GLYATL2: variants seen among roughly 807,000 people sequenced by gnomAD.
GLYATL2 encodes glycine-N-acyltransferase like 2, also known as glycine N-acyltransferase-like protein 2.
GLYATL2 carries 25 observed loss-of-function variants against 21.4 expected under a neutral mutation model. That is an observed-to-expected ratio of 1.17 (90% confidence interval 0.85 to 1.63). The LOEUF is 1.63. Among genes scored for constraint, GLYATL2 ranks in the 40% most tolerant of loss-of-function variants. The probability of loss-of-function intolerance (pLI) is 0.00; values close to 1 mark genes in which losing one functional copy is unlikely to be tolerated. For missense variants in GLYATL2, 361 were observed against 343.3 expected (o/e 1.05, Z -0.41); for synonymous variants, 114 against 118.2 (o/e 0.96, Z 0.23).
At chr11:58,896,370 C>T (rs945374926) in intron 1 of GLYATL2, among the ~76,000 whole-genome samples, 3 of 152,130 alleles carry the variant, frequency 2.0e-5, no homozygotes, top group African/African-American at 7.2e-5. Context: ...GCCCCAAACC[C>T]GGAAACCTGC....
chr11:58,845,121 C>G (rs912286844), upstream of GLYATL2, among the ~76,000 whole-genome samples: 2 of 152,078 alleles, frequency 1.3e-5, no homozygotes, highest in African/African-American at 4.8e-5. Context: ...AAGTGTGTTC[C>G]TCACACCACC....
chr11:58,894,476 C>CCAAAAAAAAAAAAA (rs5792135), intron 1 of GLYATL2, among the ~76,000 whole-genome samples: 1 of 116,544 alleles, frequency 8.6e-6, no homozygotes, highest in Admixed American at 9.4e-5. Context: ...GCAGCTATAG[C>CCAAAAAAAAAAAAA]AAAAAAAAAA....
upstream of GLYATL2, among the ~76,000 whole-genome samples, chr11:58,844,983 T>C (rs1026955280): frequency 6.6e-6 from 1 of 152,210 alleles, no homozygotes; most frequent in African/African-American, 2.4e-5. Context: ...CCTTGTCCTC[T>C]GGTTGTCTAA....
the GLYATL2 span, among the ~76,000 whole-genome samples, chr11:58,909,607 G>A: frequency 1.3e-5 from 2 of 152,130 alleles, no homozygotes; most frequent in Admixed American, 6.5e-5. Flanking sequence ...TGAAGGAATG[G>A]CCTGAATAAA....
At chr11:58,876,218 C>A (rs1438669911) in intron 1 of GLYATL2, among the ~76,000 whole-genome samples, 3 of 152,152 alleles carry the variant, frequency 2.0e-5, no homozygotes, top group Non-Finnish European at 4.4e-5. Flanking sequence ...TTTTTAACTT[C>A]TTTGCCATTG....
At chr11:58,905,407 G>C (rs1313472031), upstream of GLYATL2, 5 of 448,296 alleles carry the variant, frequency 1.1e-5, no homozygotes, top group Non-Finnish European at 2.3e-5. Flanking sequence ...TGCACGTCCC[G>C]CCACCGCCGC....
rs77967391 is a variant in GLYATL2, at chr11:58,902,783, A to G, written n.60+1373T>C. ...CAACAAGATGCTTTCTGCCAAGGGA[A>G]TGTTCTTTTTCAGGGCAAACACTCT... On this transcript the variant is annotated intron_variant and non_coding_transcript_variant, in intron 1 of 4. Coordinates refer to the GLYATL2 transcript ENST00000533636. Among the ~76,000 whole-genome samples, 1,028 of 152,292 alleles carry G rather than the reference A, an allele frequency of 6.8e-3. 8 individuals carry two copies. The highest frequency in any genetic ancestry group is 0.011 in the Non-Finnish European group (745 of 68,020).
chr11:58,843,176 A>G (rs2134578635), intron 1 of GLYATL2, among the ~76,000 whole-genome samples: 1 of 152,328 alleles, frequency 6.6e-6, no homozygotes, highest in Non-Finnish European at 1.5e-5. Flanking sequence ...TTAGAAAAAA[A>G]GAGCAGAGAG....
intron 1 of GLYATL2, among the ~76,000 whole-genome samples, chr11:58,844,118 T>C (rs1405292452): frequency 1.3e-5 from 2 of 152,144 alleles, no homozygotes; most frequent in Admixed American, 6.5e-5. Context: ...TTTTTTCTGC[T>C]AACAGTATTA....
intron 1 of GLYATL2, among the ~76,000 whole-genome samples, chr11:58,858,763 C>T (rs551212455): frequency 4.6e-5 from 7 of 152,298 alleles, no homozygotes; most frequent in African/African-American, 1.4e-4. Context: ...TGTGAACTTC[C>T]GTGTCCCTGA....
chr11:58,843,634 G>A (rs1301857538), intron 1 of GLYATL2, among the ~76,000 whole-genome samples: 2 of 152,220 alleles, frequency 1.3e-5, no homozygotes, highest in Middle Eastern at 3.4e-3. Context: ...AAGTAAAGTA[G>A]GTTGGAGACC....
intron 1 of GLYATL2, among the ~76,000 whole-genome samples, chr11:58,888,805 CACA>C (rs1854488355): frequency 6.6e-6 from 1 of 151,726 alleles, no homozygotes; most frequent in African/African-American, 2.4e-5. Context: ...ATGCAATGTA[CACA>C]ATTGCATAAT....
At position 58,894,066 on chromosome 11, in the gene GLYATL2, T is replaced by A. The variant is rs887731032; in HGVS notation, n.60+10090A>T. Among the ~76,000 whole-genome samples, 3 of 152,200 alleles carry A rather than the reference T, an allele frequency of 2.0e-5. No individual in the cohort carries two copies. In the East Asian group the frequency reaches 5.8e-4, roughly 29 times the overall value. ...GGCCTTGTGGCCTCTGCTATGGAAA[T>A]GACACTTGTTGTGCCTCCTTTCTCC... On this transcript the variant is annotated intron_variant and non_coding_transcript_variant, in intron 1 of 4. Coordinates refer to the GLYATL2 transcript ENST00000533636.
At chr11:58,864,461 G>T (rs76907161) in intron 1 of GLYATL2, among the ~76,000 whole-genome samples, 4,057 of 149,330 alleles carry the variant, frequency 0.027, 255 homozygotes, top group African/African-American at 0.092. Context: ...CCAGCCTGGA[G>T]TGTGGGGCCA....
chr11:58,856,026 G>A (rs535077741), intron 1 of GLYATL2, among the ~76,000 whole-genome samples: 1 of 152,150 alleles, frequency 6.6e-6, no homozygotes, highest in African/African-American at 2.4e-5. Flanking sequence ...AGTGACTCAG[G>A]AGGCTGAGGG....
At position 58,838,361 on chromosome 11, in the gene GLYATL2, C is replaced by A; in HGVS notation, c.86G>T (p.Gly29Val). ...TTTATCTTTTATGTTGAAAATGGCG[C>A]CATATACCTACGATGCAACAGAACA... Reference protein sequence around the residue: ...KSIPESIKVYGAIFNIKDKNP... With the variant: ...KSIPESIKVYVAIFNIKDKNP... Residue 29 changes from glycine to valine, a missense_variant, in exon 3 of 6, where the codon GGC (glycine) becomes GTC (valine). By Grantham distance (109) the Gly-to-Val change is moderately radical. Coordinates refer to ENST00000287275, the MANE Select transcript of GLYATL2 (RefSeq NM_145016.4). The A allele has an allele frequency of 6.2e-7, 1 of 1,606,090 alleles. No individual in the cohort carries two copies. Among genetic ancestry groups the A allele is most frequent in the Non-Finnish European group, 8.5e-7 (1 of 1,173,172 alleles).
At chr11:58,881,977 CA>C (rs1185529705) in intron 1 of GLYATL2, among the ~76,000 whole-genome samples, 1 of 152,062 alleles carries the variant, frequency 6.6e-6, no homozygotes, top group African/African-American at 2.4e-5. Context: ...TTTCTTAATC[CA>C]GTCCATGGAC....
intron 1 of GLYATL2, among the ~76,000 whole-genome samples, chr11:58,859,434 A>G (rs974796949): frequency 2.6e-5 from 4 of 152,126 alleles, no homozygotes; most frequent in Admixed American, 6.6e-5. Context: ...GAGAGAGAGA[A>G]AGATCTATTC....
At position 58,843,313 on chromosome 11, in the gene GLYATL2, A is replaced by G. The variant is rs1044606941; in HGVS notation, c.-41+1121T>C. Among the ~76,000 whole-genome samples the G allele has an allele frequency of 3.9e-5, 6 of 152,278 alleles. No homozygotes were observed. The East Asian group carries it at 5.8e-4, about 15-fold the overall frequency. On this transcript the variant is annotated intron_variant, in intron 1 of 5. Coordinates refer to ENST00000287275, the MANE Select transcript of GLYATL2 (RefSeq NM_145016.4). ...GAAAGTGTCGAGAAAAAGAAGTAGG[A>G]TTTTATGGGAAACAGTTAGGGTTTA... is the stretch of plus-strand genomic sequence containing the variant.
Sources: allele counts gnomAD v4.1 joint callset (sites outside exome capture counted in the v4.1 genomes callset), GRCh38; gene constraint gnomAD v4.1.1; transcripts MANE v1.5; gene names NCBI Gene and HGNC (gene_info 2026-07-23, HGNC 2026-07-21).